The following LRRD1 variants were observed in gnomAD, a reference collection of about 807,000 sequenced individuals.
LRRD1 encodes the protein leucine-rich repeat and death domain-containing protein 1.
A neutral mutation model predicts 69.5 loss-of-function variants in LRRD1; 49 were observed. The observed-to-expected ratio is 0.70, with a 90% confidence interval of 0.56 to 0.89. LRRD1 has a LOEUF of 0.89. LRRD1 is among the 40% of genes least tolerant of loss of function. The probability of loss-of-function intolerance (pLI) is 0.00; values close to 1 mark genes in which losing one functional copy is unlikely to be tolerated. For missense variants in LRRD1, 853 were observed against 956.0 expected (o/e 0.89, Z 1.42); for synonymous variants, 303 against 338.9 (o/e 0.89, Z 1.16).
chr7:92,178,486 C>G (rs112576974), intron 1 of LRRD1, among the ~76,000 whole-genome samples: 7 of 152,168 alleles, frequency 4.6e-5, no homozygotes, highest in African/African-American at 1.7e-4. Flanking sequence ...GCCTGGCCAA[C>G]AGGGTGAAAC....
Position 92,163,846 on chromosome 7 carries a change from T to G in LRRD1, c.1357A>C (p.Ile453Leu). Residue 453 changes from isoleucine (I) to leucine (L), a missense_variant, in exon 2 of 6, where the codon ATC becomes CTC. By Grantham distance (5) the Ile-to-Leu change is conservative. Transcript: ENST00000458448. ...TTTATTTCAATGGGAACATCTGTGA[T>G]TATGTTTCCTGAAAATTCTAGACTG... Reference protein sequence around the residue: ...ICSLEFSGNIITDVPIEIKNC... With the variant: ...ICSLEFSGNILTDVPIEIKNC... The G allele has an allele frequency of 6.7e-7, 1 of 1,503,018 alleles. No individual in the cohort carries two copies. Among genetic ancestry groups the G allele is most frequent in the Non-Finnish European group, 8.8e-7 (1 of 1,130,396 alleles). 93.1% of individuals were successfully genotyped at this position (1,503,018 alleles called of 1,614,324 possible).
intron 3 of LRRD1, among the ~76,000 whole-genome samples, chr7:92,153,714 C>T (rs1320004297): frequency 6.6e-6 from 1 of 150,866 alleles, no homozygotes; most frequent in Non-Finnish European, 1.5e-5. Context: ...CGCCTGTAAT[C>T]CCAGCTACTC....
chr7:92,171,640 C>T (rs1436164027), intron 1 of LRRD1, among the ~76,000 whole-genome samples: 2 of 152,106 alleles, frequency 1.3e-5, no homozygotes, highest in Admixed American at 6.6e-5. Flanking sequence ...CTCAAAAAAA[C>T]TGAAGAGGGA....
In LRRD1 at chr7:92,164,561, C is replaced by A. The variant is rs758022588; in HGVS notation, c.642G>T (p.Arg214Ser). Residue 214 changes from arginine (R) to serine (S), a missense_variant, in exon 2 of 6, where the codon AGG becomes AGT. Arg to Ser is a moderately radical substitution (Grantham distance 110, BLOSUM62 -1). This residue lies in a region of LRRD1 where 739 missense variants were observed against 808.0 expected (regional missense o/e 0.91). Coordinates refer to ENST00000458448, the MANE Select transcript of LRRD1 (RefSeq NM_001161528.2). ...PSEIQLLHNLRILNVSHNHIS... is the reference protein window; with the variant it reads ...PSEIQLLHNLSILNVSHNHIS... ...TGTGGTTATGACTGACATTTAATAT[C>A]CTTAAATTATGAAGTAACTGAATTT... 3 of 1,550,292 alleles carry A rather than the reference C, an allele frequency of 1.9e-6. No homozygotes were observed. The highest frequency in any genetic ancestry group is 2.6e-6 in the Non-Finnish European group (3 of 1,145,926).
At chr7:92,142,881 G>C (rs980038516), downstream of LRRD1, 1 of 354,310 alleles carries the variant, frequency 2.8e-6, no homozygotes, top group South Asian at 2.1e-5. Context: ...CAAAGAGAGA[G>C]CAGCAGCAAG....
chr7:92,177,684 T>G (rs1395755243), intron 1 of LRRD1, among the ~76,000 whole-genome samples: 1 of 152,180 alleles, frequency 6.6e-6, no homozygotes, highest in Non-Finnish European at 1.5e-5. Context: ...GCCAAGGTTG[T>G]GTGTGATGAC....
At chr7:92,149,215 T>A (rs1563188668) in intron 4 of LRRD1, among the ~76,000 whole-genome samples, 1 of 152,198 alleles carries the variant, frequency 6.6e-6, no homozygotes, top group African/African-American at 2.4e-5. Flanking sequence ...TATTGTGACT[T>A]TAAAGACTAA....
At chr7:92,167,876 C>CAA (rs542619786) in intron 1 of LRRD1, among the ~76,000 whole-genome samples, 1,634 of 46,240 alleles carry the variant, frequency 0.035, 260 homozygotes, top group Non-Finnish European at 0.045. Context: ...GACTCTGTCT[C>CAA]AAAAAAAAAA....
At chr7:92,152,915 G>A (rs1440817650) in intron 3 of LRRD1, among the ~76,000 whole-genome samples, 5 of 152,058 alleles carry the variant, frequency 3.3e-5, no homozygotes, top group South Asian at 2.1e-4. Flanking sequence ...TGATCTGCCC[G>A]CCTGGGCCTC....
At chr7:92,152,138 G>GGGGTGTGTGTGT in intron 3 of LRRD1, among the ~76,000 whole-genome samples, 1 of 75,182 alleles carries the variant, frequency 1.3e-5, no homozygotes, top group African/African-American at 7.9e-5. Flanking sequence ...GATGCTTCTG[G>GGGGTGTGTGTGT]GAGTGTGTGT....
chr7:92,178,683 A>C lies in LRRD1; in HGVS notation c.-75+324T>G, dbSNP rs542473272. On this transcript the variant is annotated intron_variant, in intron 1 of 5. Transcript: ENST00000458448. ...GAAACTCTGTCGCAAAAAATAAATA[A>C]ATACATACATACATACATACAAATA... is the stretch of plus-strand genomic sequence containing the variant. 1.4e-3 allele frequency among the ~76,000 whole-genome samples: 207 copies of C among 152,302 alleles called. No individual in the cohort carries two copies. The South Asian group carries it at 0.017, about 12-fold the overall frequency.
At chr7:92,168,931 GT>G (rs560411718) in intron 1 of LRRD1, among the ~76,000 whole-genome samples, 1 of 151,980 alleles carries the variant, frequency 6.6e-6, no homozygotes, top group East Asian at 1.9e-4. Flanking sequence ...GTTTTGTTTT[GT>G]TTTTTTGAGA....
At chr7:92,161,812 G>C (rs1231287761) in intron 2 of LRRD1, among the ~76,000 whole-genome samples, 2 of 152,122 alleles carry the variant, frequency 1.3e-5, no homozygotes, top group East Asian at 3.8e-4. Context: ...TATTGAGTGT[G>C]TGACAACAAA....
chr7:92,150,501 G>A (rs948094693), intron 4 of LRRD1, 33 bp downstream of exon 4: 1 of 1,441,200 alleles, frequency 6.9e-7, no homozygotes, highest in Middle Eastern at 1.8e-4. Flanking sequence ...AAAAAGAAAT[G>A]ACTTGTTAGA....
intron 1 of LRRD1, among the ~76,000 whole-genome samples, chr7:92,168,292 T>G (rs1490727087): frequency 1.3e-5 from 2 of 152,154 alleles, no homozygotes; most frequent in Admixed American, 1.3e-4. Context: ...CCAACTTGGA[T>G]TCCCTGGCAG....
At chr7:92,150,746 A>G (rs968241693) in intron 3 of LRRD1, 51 bp from the exon 4 acceptor site, 2 of 1,302,498 alleles carry the variant, frequency 1.5e-6, no homozygotes, top group African/African-American at 1.5e-5. Flanking sequence ...AAAGAAAACT[A>G]TGGAGACAAA....
At position 92,163,352 on chromosome 7, in the gene LRRD1, A is replaced by T; in HGVS notation, c.1851T>A (p.Phe617Leu). Residue 617 changes from phenylalanine (F) to leucine (L), a missense_variant, in exon 2 of 6, where the codon TTT becomes TTA. Transcript: ENST00000458448. ...LNFSSNQFIH[F>L]PIELCQLQSL... ...ATTGAAGTTGGCACAGTTCAATAGG[A>T]AAATGTATAAATTGATTGCTTGAGA... 6.5e-7 allele frequency: 1 copy of T among 1,540,352 alleles called. No homozygotes were observed. The highest frequency in any genetic ancestry group is 8.7e-7 in the Non-Finnish European group (1 of 1,143,700).
chr7:92,166,786 AG>A (rs1277418853), intron 1 of LRRD1, among the ~76,000 whole-genome samples: 1 of 152,212 alleles, frequency 6.6e-6, no homozygotes, highest in African/African-American at 2.4e-5. Flanking sequence ...AATCTGCTAA[AG>A]GGTACCCATA....
intron 4 of LRRD1, chr7:92,149,928 G>A (rs1978061): frequency 0.4 from 182,065 of 454,914 alleles, 38,311 homozygotes; most frequent in African/African-American, 0.57. Flanking sequence ...TTTTGAGTCT[G>A]GCCACAATCT....
Sources: gnomAD v4.1 joint callset for allele counts (sites outside exome capture counted in the v4.1 genomes callset) on GRCh38, gnomAD v4.1.1 for gene constraint, gnomAD v4.1.1 regional missense constraint, MANE v1.5 for transcripts, NCBI Gene and HGNC (gene_info 2026-07-23, HGNC 2026-07-21) for gene names.